The following METAP1 variants were observed in gnomAD, a reference collection of about 807,000 sequenced individuals.
The protein encoded by METAP1 is methionine aminopeptidase 1.
Under a neutral mutation model 53.8 loss-of-function variants are expected in METAP1, and 28 were observed. The observed-to-expected ratio is 0.52, with a 90% CI of 0.39 to 0.71. METAP1 has a LOEUF of 0.71. METAP1 is among the 30% of genes least tolerant of loss of function. METAP1 has a pLI of 0.00. For missense variants in METAP1, 389 were observed against 479.8 expected, an observed-to-expected ratio of 0.81 and a Z score of 1.77; for synonymous variants, 181 against 165.7, an observed-to-expected ratio of 1.09 and a Z score of -0.71.
intron 1 of METAP1, among the ~76,000 whole-genome samples, chr4:99,024,289 A>G (rs1724388268): frequency 1.3e-5 from 2 of 152,198 alleles, no homozygotes; most frequent in African/African-American, 4.8e-5. Flanking sequence ...AGAGACAGGA[A>G]TTGCTCACTT....
At chr4:99,018,607 C>A (rs1028348524) in intron 1 of METAP1, among the ~76,000 whole-genome samples, 1 of 152,128 alleles carries the variant, frequency 6.6e-6, no homozygotes, top group African/African-American at 2.4e-5. Context: ...TTACAGTAAA[C>A]CATTGATGAC....
At chr4:99,001,247 A>ACTC (rs1722911920) in intron 1 of METAP1, among the ~76,000 whole-genome samples, 1 of 152,084 alleles carries the variant, frequency 6.6e-6, no homozygotes, top group African/African-American at 2.4e-5. Context: ...ACCCTTAAAC[A>ACTC]CTCCTGTAAG....
At chr4:99,025,391 GA>G (rs1482181265) in intron 1 of METAP1, 1 of 985,344 alleles carries the variant, frequency 1.0e-6, no homozygotes, top group Non-Finnish European at 1.2e-6. Flanking sequence ...TTCTAGAAGT[GA>G]AATGAGAGCA....
intron 1 of METAP1, chr4:99,023,195 C>A: frequency 1.9e-6 from 1 of 518,962 alleles, no homozygotes; most frequent in South Asian, 2.5e-5. Flanking sequence ...GATTCATTTG[C>A]ATGGTTAAAT....
chr4:99,026,863 A>G (rs769555346), intron 1 of METAP1: 3 of 985,024 alleles, frequency 3.0e-6, no homozygotes, highest in East Asian at 1.1e-4. Flanking sequence ...GTGTCCTTAA[A>G]GAGGTGAGAG....
In METAP1 at chr4:99,039,402, A is replaced by G; in HGVS notation, c.369A>G (p.Lys123=). ...LGMSESEQAL[K]GTSQIKLLSS... ...TGTCTGAATCTGAACAGGCTCTTAA[A>G]GGTACTTCTCAGATTAAATTACTCT... is the stretch of plus-strand genomic sequence containing the variant. Residue 123 remains lysine (K), a synonymous_variant, in exon 5 of 11, where the codon AAA becomes AAG. Coordinates refer to ENST00000296411, the MANE Select transcript of METAP1 (RefSeq NM_015143.3). 6 of 1,611,430 alleles carry G rather than the reference A, an allele frequency of 3.7e-6. No individual in the cohort carries two copies. Among genetic ancestry groups the G allele is most frequent in the South Asian group, 1.1e-5 (1 of 90,788 alleles).
At chr4:99,045,007 T>C (rs1467812701) in intron 7 of METAP1, among the ~76,000 whole-genome samples, 172 bp from the exon 8 acceptor site, 1 of 152,218 alleles carries the variant, frequency 6.6e-6, no homozygotes, top group Non-Finnish European at 1.5e-5. Context: ...GTGAGTTCAG[T>C]TACATCTCAG....
chr4:99,029,580 G>A (rs967299355), intron 2 of METAP1, among the ~76,000 whole-genome samples: 2 of 152,086 alleles, frequency 1.3e-5, no homozygotes, highest in African/African-American at 4.8e-5. Flanking sequence ...GTTGACAAGG[G>A]CTTTCTGTTC....
chr4:99,049,538 A>G (rs1451733307), intron 9 of METAP1, among the ~76,000 whole-genome samples: 1 of 152,192 alleles, frequency 6.6e-6, no homozygotes, highest in African/African-American at 2.4e-5. Context: ...GTGCCGTGTG[A>G]TACAATAACA....
At chr4:99,033,414 T>C (rs1382242077) in intron 2 of METAP1, among the ~76,000 whole-genome samples, 4 of 152,156 alleles carry the variant, frequency 2.6e-5, no homozygotes, top group Non-Finnish European at 5.9e-5. Context: ...TAAAGTCTTA[T>C]TTTACTATGT....
intron 2 of METAP1, among the ~76,000 whole-genome samples, chr4:99,030,072 C>T (rs1198700012): frequency 1.3e-5 from 2 of 152,198 alleles, no homozygotes; most frequent in Non-Finnish European, 2.9e-5. Flanking sequence ...TCATGCATTA[C>T]ATACATCCTG....
intron 5 of METAP1, among the ~76,000 whole-genome samples, chr4:99,040,583 T>A (rs1725783504): frequency 6.6e-6 from 1 of 151,546 alleles, no homozygotes; most frequent in African/African-American, 2.4e-5. Context: ...TCCAAACTCC[T>A]GGGCTCAAGC....
chr4:99,002,680 T>C (rs1019591681), intron 1 of METAP1, among the ~76,000 whole-genome samples: 9 of 152,198 alleles, frequency 5.9e-5, no homozygotes, highest in Non-Finnish European at 1.0e-4. Flanking sequence ...ATAAGTTCTC[T>C]CCTGTTTTTA....
intron 1 of METAP1, among the ~76,000 whole-genome samples, chr4:99,000,985 A>G (rs1722897096): frequency 6.6e-6 from 1 of 152,146 alleles, no homozygotes; most frequent in Non-Finnish European, 1.5e-5. Context: ...GGTGTGAGCC[A>G]CTGCACCTGG....
intron 4 of METAP1, among the ~76,000 whole-genome samples, chr4:99,038,331 C>T (rs764784099): frequency 4.0e-5 from 6 of 151,366 alleles, no homozygotes; most frequent in South Asian, 2.1e-4. Flanking sequence ...ATAATAGTGC[C>T]GATAGTGGGC....
intron 1 of METAP1, among the ~76,000 whole-genome samples, chr4:99,008,487 A>G (rs549223239): frequency 5.9e-5 from 9 of 152,336 alleles, no homozygotes; most frequent in Non-Finnish European, 1.0e-4. Flanking sequence ...GGTGAAAACT[A>G]TCATAATTCT....
At chr4:99,031,101 GTTTTTTTTTTTTTTT>G (rs56082818) in intron 2 of METAP1, among the ~76,000 whole-genome samples, 1 of 109,920 alleles carries the variant, frequency 9.1e-6, no homozygotes, top group African/African-American at 3.4e-5. Context: ...CTCAAAGGTA[GTTTTTTTTTTTTTTT>G]TTTTTTTTAC....
chr4:99,008,349 TTAG>T (rs1372058120), intron 1 of METAP1, among the ~76,000 whole-genome samples: 6 of 152,264 alleles, frequency 3.9e-5, no homozygotes, highest in African/African-American at 1.4e-4. Flanking sequence ...GAAATGATCG[TTAG>T]TAGGGATAGA....
Position 99,057,900 on chromosome 4 carries a change from A to C in METAP1, c.997+82A>C, listed in dbSNP as rs561406823. ...ATTCATCATGTCAGTGGTCTTTTCTACCTGCTTGCTTTTTGCTTCCTACTC... is the reference window on the plus strand; with the variant it reads ...ATTCATCATGTCAGTGGTCTTTTCTCCCTGCTTGCTTTTTGCTTCCTACTC... On this transcript the variant is annotated intron_variant, in intron 10 of 10. Coordinates refer to ENST00000296411, the MANE Select transcript of METAP1 (RefSeq NM_015143.3). 21 of 1,243,952 alleles carry C rather than the reference A, an allele frequency of 1.7e-5. No homozygotes were observed. The Admixed American group carries it at 4.6e-4, about 27-fold the overall frequency. 77.1% of individuals were successfully genotyped at this position (1,243,952 alleles called of 1,614,324 possible).
Sources: allele counts gnomAD v4.1 joint callset (sites outside exome capture counted in the v4.1 genomes callset), GRCh38; gene constraint gnomAD v4.1.1; transcripts MANE v1.5; gene names NCBI Gene and HGNC (gene_info 2026-07-23, HGNC 2026-07-21).